KIAA0825: variants seen among roughly 807,000 people sequenced by gnomAD.
KIAA0825 encodes the protein KIAA0825, also known as uncharacterized protein KIAA0825.
Under a neutral mutation model 147.6 loss-of-function variants are expected in KIAA0825, and 119 were observed. The ratio of observed to expected loss-of-function variants is 0.81; its 90% CI spans 0.69 to 0.94. The LOEUF (loss-of-function observed/expected upper bound fraction) is 0.94, where lower values mean the gene tolerates loss of function less well. KIAA0825 is among the 40% of genes least tolerant of loss of function. KIAA0825 has a pLI of 0.00. For missense variants in KIAA0825, 1,381 were observed against 1,472.7 expected (o/e 0.94, Z 1.02); for synonymous variants, 470 against 518.1 (o/e 0.91, Z 1.26).
At chr5:94,246,879 G>GT (rs1193461358) in intron 20 of KIAA0825, among the ~76,000 whole-genome samples, 2 of 152,174 alleles carry the variant, frequency 1.3e-5, no homozygotes, top group African/African-American at 4.8e-5. Flanking sequence ...GCCTCATTTG[G>GT]TAAGGTTGAT....
intron 3 of KIAA0825, among the ~76,000 whole-genome samples, chr5:94,531,331 CTAA>C (rs1488969867): frequency 6.6e-6 from 1 of 151,880 alleles, no homozygotes; most frequent in Non-Finnish European, 1.5e-5. Context: ...AATAATAGAA[CTAA>C]TAATGACAGA....
At chr5:94,236,531 T>G (rs1775047830) in intron 20 of KIAA0825, among the ~76,000 whole-genome samples, 1 of 152,176 alleles carries the variant, frequency 6.6e-6, no homozygotes, top group Non-Finnish European at 1.5e-5. Context: ...TTTAGAATAT[T>G]TCATAAATTT....
At chr5:94,530,040 G>A (rs547181065) in intron 3 of KIAA0825, among the ~76,000 whole-genome samples, 1 of 152,182 alleles carries the variant, frequency 6.6e-6, no homozygotes, top group South Asian at 2.1e-4. Context: ...GGAAGCCAAG[G>A]TGGGTGAATC....
chr5:94,303,154 A>G (rs1243719430), intron 20 of KIAA0825, among the ~76,000 whole-genome samples: 7 of 151,982 alleles, frequency 4.6e-5, no homozygotes, highest in Non-Finnish European at 8.8e-5. Flanking sequence ...AATTTTTACA[A>G]TGCTACCTAG....
At chr5:94,298,348 C>T (rs1778237895) in intron 20 of KIAA0825, among the ~76,000 whole-genome samples, 2 of 152,120 alleles carry the variant, frequency 1.3e-5, no homozygotes, top group Non-Finnish European at 2.9e-5. Context: ...AGACAATTTA[C>T]TGATGTCAGT....
At chr5:94,508,350 ATT>A (rs927872309) in intron 5 of KIAA0825, among the ~76,000 whole-genome samples, 2 of 152,106 alleles carry the variant, frequency 1.3e-5, no homozygotes, top group Non-Finnish European at 2.9e-5. Context: ...GCTTGCTAGC[ATT>A]TTTTTAACAG....
chr5:94,608,481 A>ATTATATAT (rs371403486), intron 1 of KIAA0825, among the ~76,000 whole-genome samples: 1 of 41,334 alleles, frequency 2.4e-5, no homozygotes, highest in Non-Finnish European at 4.1e-5. Flanking sequence ...TATAATATAT[A>ATTATATAT]TATATATATA....
intron 3 of KIAA0825, 151 bp from the exon 4 acceptor site, chr5:94,524,249 T>TA (rs1768828798): frequency 2.2e-6 from 1 of 445,782 alleles, no homozygotes; most frequent in Admixed American, 4.3e-5. Context: ...TAACAGACTA[T>TA]ACATTCATAG....
At chr5:94,237,642 G>A (rs1321843798) in intron 20 of KIAA0825, among the ~76,000 whole-genome samples, 1 of 152,082 alleles carries the variant, frequency 6.6e-6, no homozygotes, top group Non-Finnish European at 1.5e-5. Context: ...TTTTACCACA[G>A]GCTCTTTGAT....
intron 14 of KIAA0825, among the ~76,000 whole-genome samples, chr5:94,422,212 A>C (rs1754272902): frequency 6.6e-6 from 1 of 152,130 alleles, no homozygotes; most frequent in African/African-American, 2.4e-5. Context: ...CGGAATTCTG[A>C]CTTTCCTCTA....
chr5:94,227,592 TA>T (rs567861827), intron 20 of KIAA0825, among the ~76,000 whole-genome samples: 182 of 145,330 alleles, frequency 1.3e-3, no homozygotes, highest in Non-Finnish European at 1.4e-3. Flanking sequence ...TCAGGAAAAT[TA>T]AAAAAAAAAG....
At chr5:94,259,643 T>C (rs1776401073) in intron 20 of KIAA0825, among the ~76,000 whole-genome samples, 1 of 152,022 alleles carries the variant, frequency 6.6e-6, no homozygotes, top group Non-Finnish European at 1.5e-5. Flanking sequence ...TAAATTATTT[T>C]TCAACATACT....
intron 20 of KIAA0825, among the ~76,000 whole-genome samples, chr5:94,236,952 TTGTG>T (rs3080904): frequency 8.1e-4 from 123 of 152,232 alleles, no homozygotes; most frequent in African/African-American, 2.8e-3. Context: ...TGGAAAAACT[TTGTG>T]TGACTCAGTT....
intron 20 of KIAA0825, among the ~76,000 whole-genome samples, chr5:94,222,319 C>T (rs1773734145): frequency 6.6e-6 from 1 of 152,136 alleles, no homozygotes; most frequent in Admixed American, 6.6e-5. Flanking sequence ...GATAATGTTT[C>T]ATTCAATATT....
At chr5:94,181,874 T>G (rs1203690657) in intron 20 of KIAA0825, among the ~76,000 whole-genome samples, 9 of 152,180 alleles carry the variant, frequency 5.9e-5, no homozygotes, top group African/African-American at 2.2e-4. Flanking sequence ...GGATAAATTA[T>G]GTCTTCAGGT....
chr5:94,180,055 C>G (rs1230279544), intron 20 of KIAA0825, among the ~76,000 whole-genome samples: 1 of 151,962 alleles, frequency 6.6e-6, no homozygotes, highest in Non-Finnish European at 1.5e-5. Flanking sequence ...AATATCAAAG[C>G]ATCTCCCCCA....
At chr5:94,467,555 T>G (rs1335386795) in intron 10 of KIAA0825, among the ~76,000 whole-genome samples, 1 of 152,192 alleles carries the variant, frequency 6.6e-6, no homozygotes, top group Non-Finnish European at 1.5e-5. Flanking sequence ...ACACCCACTG[T>G]GCCATCGTGA....
In KIAA0825 at chr5:94,331,600, A is replaced by G. The variant is rs537841424; in HGVS notation, c.3710+52768T>C. On this transcript the variant is annotated intron_variant, in intron 20 of 20. Coordinates refer to ENST00000682413, the MANE Select transcript of KIAA0825 (RefSeq NM_001145678.3). ...CTGAGTATTAAAACCAGACGAAGAC[A>G]TTATAAGAAAGCTACATGCAGGTAT... 1.4e-4 allele frequency among the ~76,000 whole-genome samples: 21 copies of G among 152,346 alleles called. No homozygotes were observed. The East Asian group carries it at 3.9e-3, about 28-fold the overall frequency.
chr5:94,228,628 G>A (rs879935204), intron 20 of KIAA0825, among the ~76,000 whole-genome samples: 2 of 152,090 alleles, frequency 1.3e-5, no homozygotes, highest in Non-Finnish European at 2.9e-5. Flanking sequence ...AATGGAGTTT[G>A]GAAAAATCAG....
Sources: allele counts gnomAD v4.1 joint callset (sites outside exome capture counted in the v4.1 genomes callset), GRCh38; gene constraint gnomAD v4.1.1; transcripts MANE v1.5; gene names NCBI Gene and HGNC (gene_info 2026-07-23, HGNC 2026-07-21).